Variants in SMARCAD1 observed in about 807,000 individuals in gnomAD.
SMARCAD1 encodes SNF2 related chromatin remodeling ATPase with DExD box 1.
SMARCAD1 carries 25 observed loss-of-function variants against 127.1 expected under a neutral mutation model. That is an observed-to-expected ratio of 0.20 (90% CI 0.14 to 0.27). The LOEUF is 0.27. Ranked by LOEUF, SMARCAD1 falls within the 10% of genes least tolerant of loss-of-function variation. The pLI, the probability that SMARCAD1 is intolerant of heterozygous loss-of-function variation, is 1.00. For missense variants in SMARCAD1, 807 were observed against 1,206.0 expected, an observed-to-expected ratio of 0.67 and a Z score of 4.90; for synonymous variants, 400 against 396.9, an observed-to-expected ratio of 1.01 and a Z score of -0.09.
At chr4:94,211,695 A>G (rs918929114) in intron 2 of SMARCAD1, among the ~76,000 whole-genome samples, 45 of 152,128 alleles carry the variant, frequency 3.0e-4, no homozygotes, top group African/African-American at 1.1e-3. Context: ...CTGTGCCACC[A>G]CCACATTGTT....
chr4:94,217,227 G>A (rs1319516051), intron 2 of SMARCAD1, among the ~76,000 whole-genome samples: 3 of 152,010 alleles, frequency 2.0e-5, no homozygotes, highest in African/African-American at 7.2e-5. Context: ...GGGTGATATC[G>A]TTTTCTCCTT....
At chr4:94,281,615 A>C in intron 21 of SMARCAD1, 25 bp downstream of exon 21, 2 of 1,338,564 alleles carry the variant, frequency 1.5e-6, no homozygotes, top group East Asian at 4.6e-5. Flanking sequence ...TGTTAGTTAC[A>C]AAAAAATAAC....
rs530863338 is a variant in SMARCAD1 at position 94,265,973 on chromosome 4, TTAA to T, written c.1481+1072_1481+1074del. ...TCAAAGCATATTTGCTGATCATTGG[TTAA>T]TAATTTAAAATCAAGGTATGGAAAA... On this transcript the variant is annotated intron_variant, in intron 10 of 23. Coordinates refer to ENST00000354268, the MANE Select transcript of SMARCAD1 (RefSeq NM_020159.5). Among the ~76,000 whole-genome samples, 25 of 152,172 alleles carry T rather than the reference TTAA, an allele frequency of 1.6e-4. No individual in the cohort carries two copies. In the South Asian group the frequency reaches 3.1e-3, roughly 19 times the overall value.
chr4:94,279,778 C>CT (rs1163071807), intron 19 of SMARCAD1, among the ~76,000 whole-genome samples: 5 of 152,096 alleles, frequency 3.3e-5, no homozygotes, highest in Non-Finnish European at 5.9e-5. Context: ...AGCAATTACT[C>CT]TTTATTTTTG....
At chr4:94,244,676 G>A (rs1748132776) in intron 6 of SMARCAD1, among the ~76,000 whole-genome samples, 1 of 151,686 alleles carries the variant, frequency 6.6e-6, no homozygotes, top group South Asian at 2.1e-4. Context: ...TAGCAAAAAT[G>A]TATGGATGGC....
chr4:94,254,971 A>G (rs1749837029), intron 9 of SMARCAD1, among the ~76,000 whole-genome samples: 1 of 152,054 alleles, frequency 6.6e-6, no homozygotes, highest in African/African-American at 2.4e-5. Flanking sequence ...AAAAGTCAAT[A>G]TTATGCATAT....
At chr4:94,226,536 G>C (rs1745048804) in intron 3 of SMARCAD1, among the ~76,000 whole-genome samples, 1 of 138,948 alleles carries the variant, frequency 7.2e-6, no homozygotes. Context: ...TTTGATAACA[G>C]TGATTTTGAG....
At position 94,290,032 on chromosome 4, in the gene SMARCAD1, C is replaced by G. The variant is rs1357761374; in HGVS notation, c.*498C>G. 3 of 454,248 alleles carry G rather than the reference C, an allele frequency of 6.6e-6. No homozygotes were observed. Among genetic ancestry groups the G allele is most frequent in the South Asian group, 3.1e-5 (2 of 64,476 alleles). The allele number at this position is 454,248 out of a possible 1,614,324, so 28.1% of individuals were successfully genotyped here. On this transcript the variant is annotated 3_prime_UTR_variant, in exon 24 of 24. Coordinates refer to ENST00000354268, the MANE Select transcript of SMARCAD1 (RefSeq NM_020159.5). ...AGATTATATAGCTTTCATTTTATTG[C>G]TATTTGAAGCAGATGTTCACCAATG...
intron 2 of SMARCAD1, among the ~76,000 whole-genome samples, chr4:94,225,443 G>A (rs368017848): frequency 2.8e-4 from 43 of 152,056 alleles, no homozygotes; most frequent in African/African-American, 9.6e-4. Flanking sequence ...TAATTTTGAG[G>A]GTACAATCTC....
chr4:94,275,796 C>CTTTTATTTTTTTTTTTTTTTT (rs1553920714), intron 14 of SMARCAD1, among the ~76,000 whole-genome samples: 1 of 85,412 alleles, frequency 1.2e-5, no homozygotes, highest in African/African-American at 3.7e-5. Flanking sequence ...TTAACATTTT[C>CTTTTATTTTTTTTTTTTTTTT]TTTTTTTTTT....
At chr4:94,269,430 C>T (rs530706788) in intron 10 of SMARCAD1, among the ~76,000 whole-genome samples, 4 of 150,956 alleles carry the variant, frequency 2.6e-5, no homozygotes, top group South Asian at 2.1e-4. Flanking sequence ...GGAGTGAGAT[C>T]GACATCCTGA....
chr4:94,284,335 AAAAAAAAAAAAAAAAAAAG>A (rs1385309367), intron 22 of SMARCAD1, among the ~76,000 whole-genome samples: 2 of 98,668 alleles, frequency 2.0e-5, no homozygotes, highest in Non-Finnish European at 4.5e-5. Flanking sequence ...TCAAAAAAAA[AAAAAAAAAAAAAAAAAAAG>A]AAAAAAGTAA....
rs1441023307 is a variant in SMARCAD1, at chr4:94,252,857, T to C, written c.1131T>C (p.Gly377=). Residue 377 remains glycine, a synonymous_variant, in exon 9 of 24, where the codon GGT becomes GGC. Coordinates refer to ENST00000354268, the MANE Select transcript of SMARCAD1 (RefSeq NM_020159.5). The part of the protein sequence containing the change: ...GSSLDEDYSS[G]EEVMEDGYKG... Reference sequence around the variant, plus strand: ...CACTAGATGAGGACTATAGTAGTGGTGAAGAAGTGATGGAGGATGGCTATA... The same window carrying C: ...CACTAGATGAGGACTATAGTAGTGGCGAAGAAGTGATGGAGGATGGCTATA... 2 of 1,614,000 alleles carry C rather than the reference T, an allele frequency of 1.2e-6. No individual in the cohort carries two copies. Among genetic ancestry groups the C allele is most frequent in the Non-Finnish European group, 1.7e-6 (2 of 1,180,012 alleles).
At position 94,276,333 on chromosome 4, in the gene SMARCAD1, TG is replaced by T; in HGVS notation, c.1809-5del. On this transcript the variant is annotated splice_polypyrimidine_tract_variant and splice_region_variant and intron_variant, in intron 14 of 23. Coordinates refer to ENST00000354268, the MANE Select transcript of SMARCAD1 (RefSeq NM_020159.5). The stretch of plus-strand genomic sequence containing the variant: ...ACCTTAGAGATGTTTTTTCTTTTGG[TG>T]ACAGATATAACTGTGCGATCAGCAG... 1 of 1,614,094 alleles carries T rather than the reference TG, an allele frequency of 6.2e-7. No individual in the cohort carries two copies. The highest frequency in any genetic ancestry group is 8.5e-7 in the Non-Finnish European group (1 of 1,179,992).
Position 94,226,067 on chromosome 4 carries a change from G to T in SMARCAD1, c.191-52G>T, listed in dbSNP as rs1579058207. On this transcript the variant is annotated intron_variant, in intron 2 of 23. Transcript: ENST00000354268. Reference sequence around the variant, plus strand: ...TAGCACATGATTATAACTAACAACAGATTCGTTTTCCAGTTGCTCAAAATA... The same window carrying T: ...TAGCACATGATTATAACTAACAACATATTCGTTTTCCAGTTGCTCAAAATA... 4.9e-6 allele frequency: 7 copies of T among 1,421,252 alleles called. No homozygotes were observed. In the East Asian group the frequency reaches 1.6e-4, roughly 33 times the overall value. The allele number at this position is 1,421,252 out of a possible 1,614,324, so 88.0% of individuals were successfully genotyped here. A position where few individuals can be genotyped will look rare whatever the true frequency, so the allele number is the denominator to read the frequency against.
At chr4:94,274,654 C>G in intron 12 of SMARCAD1, 84 bp from the exon 13 acceptor site, 2 of 1,248,852 alleles carry the variant, frequency 1.6e-6, no homozygotes, top group Admixed American at 1.7e-5. Flanking sequence ...TTCTGAGTAG[C>G]ACTTGTCAAA....
rs1475126679 is a variant in SMARCAD1 at position 94,278,428 on chromosome 4, G to A, written c.2089G>A (p.Ala697Thr). ...ATGTTTTTATTTTGCTCAGAAATCAGCAGATGAGCAAAGCATATATGAAAA... is the reference window on the plus strand; with the variant it reads ...ATGTTTTTATTTTGCTCAGAAATCAACAGATGAGCAAAGCATATATGAAAA... ...RRMFSSKTKS[A>T]DEQSIYEKER... Residue 697 changes from alanine (A) to threonine (T), a missense_variant, in exon 17 of 24, where the codon GCA becomes ACA. Ala to Thr is a moderately conservative substitution (Grantham distance 58, BLOSUM62 0). Coordinates refer to ENST00000354268, the MANE Select transcript of SMARCAD1 (RefSeq NM_020159.5). 1.2e-6 allele frequency: 2 copies of A among 1,612,262 alleles called. No homozygotes were observed. The highest frequency in any genetic ancestry group is 3.3e-5 in the Admixed American group (2 of 60,010).
Position 94,265,974 on chromosome 4 carries a change from T to C in SMARCAD1, c.1481+1068T>C, listed in dbSNP as rs114243216. Among the ~76,000 whole-genome samples, 805 of 152,108 alleles carry C rather than the reference T, an allele frequency of 5.3e-3. 5 individuals are homozygous for C. The highest frequency in any genetic ancestry group is 0.018 in the African/African-American group (764 of 41,544). On this transcript the variant is annotated intron_variant, in intron 10 of 23. Coordinates refer to ENST00000354268, the MANE Select transcript of SMARCAD1 (RefSeq NM_020159.5). ...CAAAGCATATTTGCTGATCATTGGT[T>C]AATAATTTAAAATCAAGGTATGGAA...
intron 2 of SMARCAD1, chr4:94,213,218 C>A: frequency 3.3e-6 from 2 of 606,092 alleles, no homozygotes; most frequent in Non-Finnish European, 4.9e-6. Context: ...AAATACTAAG[C>A]AAAGTAGAAT....
Sources: allele counts gnomAD v4.1 joint callset (sites outside exome capture counted in the v4.1 genomes callset), GRCh38; gene constraint gnomAD v4.1.1; transcripts MANE v1.5; gene names NCBI Gene and HGNC (gene_info 2026-07-23, HGNC 2026-07-21).